The following DNM3 variants were observed in gnomAD, a reference collection of about 807,000 sequenced individuals.
The protein encoded by DNM3 is dynamin-3.
DNM3 carries 47 observed loss-of-function variants against 101.6 expected under a neutral mutation model. The observed-to-expected ratio is 0.46, with a 90% CI of 0.37 to 0.59. The LOEUF is 0.59. Among genes scored for constraint, DNM3 ranks in the 20% least tolerant of loss-of-function variants. The pLI, the probability that DNM3 is intolerant of heterozygous loss-of-function variation, is 0.00. For synonymous variants in DNM3, 385 were observed against 387.9 expected, an observed-to-expected ratio of 0.99 and a Z score of 0.09; for missense variants, 849 against 1,085.7, an observed-to-expected ratio of 0.78 and a Z score of 3.06.
intron 15 of DNM3, chr1:172,289,722 G>A: frequency 3.0e-6 from 3 of 984,634 alleles, no homozygotes; most frequent in Non-Finnish European, 3.6e-6. Flanking sequence ...AGTTTTGGTT[G>A]CATGTTCTAA....
At chr1:172,081,380 A>G (rs949234599) in intron 11 of DNM3, among the ~76,000 whole-genome samples, 1 of 152,194 alleles carries the variant, frequency 6.6e-6, no homozygotes, top group Non-Finnish European at 1.5e-5. Flanking sequence ...TGCTAAAGAT[A>G]GAAGAGGAGA....
chr1:172,112,346 G>C (rs2147953908), intron 13 of DNM3, among the ~76,000 whole-genome samples: 1 of 152,288 alleles, frequency 6.6e-6, no homozygotes, highest in South Asian at 2.1e-4. Flanking sequence ...GGTAGAGCTA[G>C]GATTTAAACT....
At chr1:172,214,981 A>C (rs1572979293) in intron 14 of DNM3, among the ~76,000 whole-genome samples, 1 of 152,150 alleles carries the variant, frequency 6.6e-6, no homozygotes, top group African/African-American at 2.4e-5. Context: ...TGTTAACGTA[A>C]GTTAATACTG....
chr1:172,250,849 G>T (rs945822565), intron 14 of DNM3, among the ~76,000 whole-genome samples: 1 of 152,070 alleles, frequency 6.6e-6, no homozygotes, highest in African/African-American at 2.4e-5. Context: ...GGTATTTAGT[G>T]CTATCAGTAG....
intron 14 of DNM3, among the ~76,000 whole-genome samples, chr1:172,205,488 A>G (rs1341506856): frequency 6.6e-6 from 1 of 152,168 alleles, no homozygotes; most frequent in Non-Finnish European, 1.5e-5. Context: ...GGAGAATTTT[A>G]AGAAACATGT....
chr1:172,368,739 C>A (rs183947201), intron 17 of DNM3, among the ~76,000 whole-genome samples: 80 of 151,690 alleles, frequency 5.3e-4, no homozygotes, highest in Non-Finnish European at 6.5e-4. Flanking sequence ...CAAAAAGACC[C>A]AAATAAATAA....
chr1:172,079,256 A>G (rs2052936584), intron 11 of DNM3, among the ~76,000 whole-genome samples: 1 of 152,180 alleles, frequency 6.6e-6, no homozygotes, highest in Admixed American at 6.5e-5. Flanking sequence ...CAGGTACACC[A>G]ATCAAACATA....
chr1:172,255,856 T>G (rs1302440213), intron 15 of DNM3, among the ~76,000 whole-genome samples: 1 of 152,162 alleles, frequency 6.6e-6, no homozygotes, highest in Non-Finnish European at 1.5e-5. Flanking sequence ...TGAAATACCT[T>G]TTGATAGATG....
intron 13 of DNM3, among the ~76,000 whole-genome samples, chr1:172,110,325 T>C (rs191625851): frequency 1.3e-5 from 2 of 152,322 alleles, no homozygotes; most frequent in East Asian, 3.9e-4. Context: ...CATGTTCCCA[T>C]AGAAATACAT....
chr1:171,984,058 G>T (rs949630163), intron 2 of DNM3, among the ~76,000 whole-genome samples: 1 of 151,870 alleles, frequency 6.6e-6, no homozygotes, highest in Non-Finnish European at 1.5e-5. Context: ...CTCTCATATC[G>T]CAGCTTAAAT....
chr1:172,094,114 T>C lies in DNM3; in HGVS notation c.1545+1239T>C, dbSNP rs1475908582. On this transcript the variant is annotated intron_variant, in intron 13 of 20. Coordinates refer to ENST00000627582, the MANE Select transcript of DNM3 (RefSeq NM_015569.5). ...CCTTTCTCTTCCCCTTGTATGGTAA[T>C]ATTTCCAATAAATGTAGATGATGCT... is the stretch of plus-strand genomic sequence containing the variant. Among the ~76,000 whole-genome samples, 5 of 152,212 alleles carry C rather than the reference T, an allele frequency of 3.3e-5. 1 individual carries two copies. Among genetic ancestry groups the C allele is most frequent in the Admixed American group, 3.3e-4 (5 of 15,274 alleles).
At chr1:172,108,145 CT>C (rs1319607583) in intron 13 of DNM3, among the ~76,000 whole-genome samples, 1 of 152,004 alleles carries the variant, frequency 6.6e-6, no homozygotes, top group African/African-American at 2.4e-5. Context: ...TTGGATAATC[CT>C]ATTCGAGAAC....
chr1:171,851,346 C>T (rs2032934840), intron 1 of DNM3, among the ~76,000 whole-genome samples: 1 of 152,188 alleles, frequency 6.6e-6, no homozygotes, highest in Non-Finnish European at 1.5e-5. Flanking sequence ...AGCCATTTAT[C>T]TAAGCTGAAA....
At chr1:172,154,351 A>G (rs573129676) in intron 14 of DNM3, among the ~76,000 whole-genome samples, 1 of 152,212 alleles carries the variant, frequency 6.6e-6, no homozygotes, top group South Asian at 2.1e-4. Flanking sequence ...GAAGAATGCC[A>G]CAATGTGTAG....
chr1:172,134,290 T>C (rs377425224), intron 14 of DNM3, among the ~76,000 whole-genome samples: 2 of 152,132 alleles, frequency 1.3e-5, no homozygotes, highest in African/African-American at 4.8e-5. Flanking sequence ...AAGATCATCA[T>C]TGAGACTGAA....
chr1:172,168,743 C>T (rs1358135622), intron 14 of DNM3, among the ~76,000 whole-genome samples: 1 of 151,994 alleles, frequency 6.6e-6, no homozygotes, highest in Non-Finnish European at 1.5e-5. Flanking sequence ...CCCCAGCCAA[C>T]TCCACATGAG....
intron 17 of DNM3, among the ~76,000 whole-genome samples, chr1:172,366,196 A>G (rs984801027): frequency 6.6e-6 from 1 of 151,986 alleles, no homozygotes; most frequent in Non-Finnish European, 1.5e-5. Context: ...ACATGACTGC[A>G]GCCTGGGCAA....
At chr1:172,210,634 G>A (rs540819463) in intron 14 of DNM3, among the ~76,000 whole-genome samples, 1 of 152,166 alleles carries the variant, frequency 6.6e-6, no homozygotes, top group East Asian at 1.9e-4. Context: ...AGGGAACCAA[G>A]ATATAATGTG....
chr1:172,132,043 C>T (rs2056964949), intron 14 of DNM3, among the ~76,000 whole-genome samples: 1 of 151,990 alleles, frequency 6.6e-6, no homozygotes, highest in Non-Finnish European at 1.5e-5. Flanking sequence ...TTTTAATAGC[C>T]CTGGTCTGAC....
Sources: allele counts gnomAD v4.1 joint callset (sites outside exome capture counted in the v4.1 genomes callset), GRCh38; gene constraint gnomAD v4.1.1; transcripts MANE v1.5; gene names NCBI Gene and HGNC (gene_info 2026-07-23, HGNC 2026-07-21).